Variants in DPF3 observed in about 807,000 individuals in gnomAD.
DPF3 encodes the protein double PHD fingers 3.
Under a neutral mutation model 56.8 loss-of-function variants are expected in DPF3, and 18 were observed. That is an observed-to-expected ratio of 0.32 (90% CI 0.22 to 0.47). The LOEUF is 0.47. Ranked by LOEUF, DPF3 falls within the 20% of genes least tolerant of loss-of-function variation. DPF3 has a pLI of 1.00. For missense variants in DPF3, 403 were observed against 488.8 expected (o/e 0.82, Z 1.65); for synonymous variants, 188 against 180.2 (o/e 1.04, Z -0.35).
At chr14:72,706,691 T>C (rs989402794) in intron 6 of DPF3, among the ~76,000 whole-genome samples, 1 of 152,068 alleles carries the variant, frequency 6.6e-6, no homozygotes, top group African/African-American at 2.4e-5. Flanking sequence ...TGCTTTCCTA[T>C]ACTCCCCACC....
chr14:72,737,172 A>T (rs1889924697), intron 3 of DPF3, among the ~76,000 whole-genome samples: 1 of 151,806 alleles, frequency 6.6e-6, no homozygotes, highest in Admixed American at 6.6e-5. Context: ...AAACAACCAA[A>T]AAAAGCACAA....
chr14:72,690,716 A>G (rs146849174), intron 7 of DPF3, among the ~76,000 whole-genome samples: 64 of 152,300 alleles, frequency 4.2e-4, no homozygotes, highest in African/African-American at 1.4e-3. Flanking sequence ...ACAGACAGAC[A>G]AGAAGCATTC....
intron 1 of DPF3, among the ~76,000 whole-genome samples, chr14:72,829,207 A>G (rs1203180779): frequency 6.6e-6 from 1 of 152,110 alleles, no homozygotes; most frequent in Non-Finnish European, 1.5e-5. Context: ...TCCTATGGAG[A>G]TTATTAAGAT....
chr14:72,725,322 G>A (rs922939084), intron 4 of DPF3, among the ~76,000 whole-genome samples: 3 of 152,128 alleles, frequency 2.0e-5, no homozygotes, highest in African/African-American at 7.2e-5. Context: ...AGGGTGTTAG[G>A]AGGGAGTTTT....
chr14:72,744,100 T>A (rs1567218931), intron 3 of DPF3, among the ~76,000 whole-genome samples: 1 of 152,212 alleles, frequency 6.6e-6, no homozygotes, highest in Non-Finnish European at 1.5e-5. Flanking sequence ...TTCCCAGATC[T>A]CAGGCCCTTC....
chr14:72,632,899 G>T (rs1165470431), intron 8 of DPF3, among the ~76,000 whole-genome samples: 1 of 150,428 alleles, frequency 6.6e-6, no homozygotes, highest in Non-Finnish European at 1.5e-5. Context: ...GGATGAAGGG[G>T]CTGTACGCTA....
intron 2 of DPF3, among the ~76,000 whole-genome samples, chr14:72,756,861 AAAGAAAGAAAGG>A (rs1436497142): frequency 1.2e-4 from 15 of 124,820 alleles, no homozygotes; most frequent in African/African-American, 5.1e-4. Context: ...AGAAAGAAAG[AAAGAAAGAAAGG>A]AAGGAAAGAA....
At chr14:72,847,639 G>A (rs958997432) in intron 1 of DPF3, among the ~76,000 whole-genome samples, 22 of 151,952 alleles carry the variant, frequency 1.4e-4, no homozygotes, top group African/African-American at 5.3e-4. Context: ...AGCCTCCCGA[G>A]TAGCTGGGAT....
At chr14:72,750,791 CAAAAAAAAAA>C (rs35754238) in intron 3 of DPF3, among the ~76,000 whole-genome samples, 9 of 65,948 alleles carry the variant, frequency 1.4e-4, no homozygotes, top group Admixed American at 6.6e-4. Context: ...GAAAGAATCT[CAAAAAAAAAA>C]AAAAAAAAAA....
intron 1 of DPF3, among the ~76,000 whole-genome samples, chr14:72,823,461 C>T (rs1726846162): frequency 6.6e-6 from 1 of 152,190 alleles, no homozygotes; most frequent in Admixed American, 6.5e-5. Flanking sequence ...ACTGGCTTGG[C>T]CAACATCCAG....
At chr14:72,721,185 A>G (rs1012526387) in intron 5 of DPF3, among the ~76,000 whole-genome samples, 14 of 152,224 alleles carry the variant, frequency 9.2e-5, no homozygotes, top group African/African-American at 3.4e-4. Context: ...TCTATGTGGT[A>G]GCTCTTGTTA....
chr14:72,629,732 G>A lies in DPF3; in HGVS notation c.876C>T (p.His292=), dbSNP rs1355880811. Reference sequence around the variant, plus strand: ...TCAGGGTAAACTGCAGGCAGGTTGGGTGACCTGGAGGAAGCCAGAAACAAC... The same window carrying A: ...TCAGGGTAAACTGCAGGCAGGTTGGATGACCTGGAGGAAGCCAGAAACAAC... ...VSCADCGRSG[H]PTCLQFTLNM... Residue 292 remains histidine (H), a synonymous_variant, in exon 9 of 11, where the codon CAC becomes CAT. Coordinates refer to ENST00000556509, the MANE Select transcript of DPF3 (RefSeq NM_001280542.3). The A allele has an allele frequency of 3.9e-6, 6 of 1,535,888 alleles. No individual in the cohort carries two copies. Among genetic ancestry groups the A allele is most frequent in the Non-Finnish European group, 5.2e-6 (6 of 1,146,814 alleles).
At chr14:72,714,372 C>T in intron 6 of DPF3, 51 bp downstream of exon 6, 1 of 1,606,694 alleles carries the variant, frequency 6.2e-7, no homozygotes, top group Admixed American at 1.7e-5. Context: ...AAGAGGGGCC[C>T]TGGGGGCAGG....
At chr14:72,893,602 G>A (rs1388342701) in intron 1 of DPF3, among the ~76,000 whole-genome samples, 1 of 151,838 alleles carries the variant, frequency 6.6e-6, no homozygotes, top group Non-Finnish European at 1.5e-5. Context: ...GCGGGGCGGG[G>A]GCCGCGGGCT....
intron 1 of DPF3, among the ~76,000 whole-genome samples, chr14:72,795,045 T>C (rs967050500): frequency 2.0e-5 from 3 of 152,030 alleles, no homozygotes; most frequent in African/African-American, 7.2e-5. Context: ...CTCAAAGTCC[T>C]TAACTTAATC....
intron 8 of DPF3, among the ~76,000 whole-genome samples, chr14:72,654,790 A>G (rs892988867): frequency 2.6e-5 from 4 of 152,204 alleles, no homozygotes; most frequent in Admixed American, 2.6e-4. Flanking sequence ...AACCTAGCAC[A>G]TTATGGCAAC....
At chr14:72,874,441 T>C (rs564154985) in intron 1 of DPF3, among the ~76,000 whole-genome samples, 2 of 151,094 alleles carry the variant, frequency 1.3e-5, no homozygotes, top group Admixed American at 6.6e-5. Flanking sequence ...ATCCTGACAC[T>C]GCACTCCAGC....
At chr14:72,798,241 C>T (rs1320388841) in intron 1 of DPF3, among the ~76,000 whole-genome samples, 1 of 108,180 alleles carries the variant, frequency 9.2e-6, no homozygotes, top group Non-Finnish European at 1.7e-5. Context: ...GAAGACAGAG[C>T]TAGCCTTCAT....
intron 1 of DPF3, among the ~76,000 whole-genome samples, chr14:72,793,379 C>A (rs1390936584): frequency 6.6e-6 from 1 of 152,166 alleles, no homozygotes; most frequent in Non-Finnish European, 1.5e-5. Context: ...CAGCATGAGG[C>A]TCACTGGTGG....
Sources: gnomAD v4.1 joint callset for allele counts (sites outside exome capture counted in the v4.1 genomes callset) on GRCh38, gnomAD v4.1.1 for gene constraint, MANE v1.5 for transcripts, NCBI Gene and HGNC (gene_info 2026-07-23, HGNC 2026-07-21) for gene names.